RAD51B: variants seen among roughly 807,000 people sequenced by gnomAD.
RAD51B encodes RAD51 paralog B.
A neutral mutation model predicts 42.2 loss-of-function variants in RAD51B; 38 were observed. The ratio of observed to expected loss-of-function variants is 0.90; its 90% CI spans 0.70 to 1.18. RAD51B has a LOEUF of 1.18. Among genes scored for constraint, RAD51B ranks in the 50% most tolerant of loss-of-function variants. RAD51B has a pLI of 0.00. For missense variants in RAD51B, 373 were observed against 400.7 expected (o/e 0.93, Z 0.59); for synonymous variants, 154 against 145.2 (o/e 1.06, Z -0.43).
chr14:68,225,431 G>A (rs909724554), intron 7 of RAD51B, among the ~76,000 whole-genome samples: 2 of 152,204 alleles, frequency 1.3e-5, no homozygotes, highest in Non-Finnish European at 2.9e-5. Flanking sequence ...CTATGAAGAA[G>A]CTACCAATAA....
intron 11 of RAD51B, among the ~76,000 whole-genome samples, chr14:68,651,601 T>C (rs1213644139): frequency 6.6e-6 from 1 of 152,196 alleles, no homozygotes; most frequent in Admixed American, 6.5e-5. Flanking sequence ...TTAAAGGACA[T>C]CAGGGAAGCT....
intron 7 of RAD51B, among the ~76,000 whole-genome samples, chr14:68,225,870 C>T (rs1325692397): frequency 6.6e-6 from 1 of 152,168 alleles, no homozygotes; most frequent in East Asian, 1.9e-4. Context: ...AAGGAAGTAT[C>T]TACTAACAAG....
chr14:67,940,003 A>G (rs12878700), intron 7 of RAD51B, among the ~76,000 whole-genome samples: 3 of 126,412 alleles, frequency 2.4e-5, no homozygotes, highest in Non-Finnish European at 4.9e-5. Context: ...TATATATAAA[A>G]CTGTAACATT....
intron 7 of RAD51B, among the ~76,000 whole-genome samples, chr14:68,063,572 C>T (rs2076603152): frequency 1.3e-5 from 2 of 152,138 alleles, no homozygotes; most frequent in Non-Finnish European, 2.9e-5. Context: ...CCTGTCTCTA[C>T]TAAAAATACA....
At position 68,205,745 on chromosome 14, in the gene RAD51B, C is replaced by T. The variant is rs563793598; in HGVS notation, c.757-86139C>T. Among the ~76,000 whole-genome samples the T allele has an allele frequency of 2.8e-4, 43 of 151,730 alleles. 2 individuals carry two copies. The South Asian group carries it at 8.1e-3, about 29-fold the overall frequency. Reference sequence around the variant, plus strand: ...TACCACATTTGCTTTATAATTTACTCGATCTACATATGCATATATATGTAT... The same window carrying T: ...TACCACATTTGCTTTATAATTTACTTGATCTACATATGCATATATATGTAT... On this transcript the variant is annotated intron_variant, in intron 7 of 10. Coordinates refer to ENST00000471583, the MANE Select transcript of RAD51B (RefSeq NM_133510.4).
chr14:68,178,197 A>AG (rs574364971), intron 7 of RAD51B, among the ~76,000 whole-genome samples: 163 of 152,254 alleles, frequency 1.1e-3, no homozygotes, highest in African/African-American at 3.8e-3. Flanking sequence ...TTAAAAAAAA[A>AG]TTGTTTAGCC....
intron 7 of RAD51B, among the ~76,000 whole-genome samples, chr14:68,156,947 T>C (rs112456297): frequency 0.025 from 3,839 of 152,188 alleles, 131 homozygotes; most frequent in African/African-American, 0.074. Flanking sequence ...CCTATAATCC[T>C]AGCATTTTGG....
intron 7 of RAD51B, among the ~76,000 whole-genome samples, chr14:68,144,877 A>G (rs1358429841): frequency 6.6e-6 from 1 of 152,168 alleles, no homozygotes; most frequent in East Asian, 1.9e-4. Flanking sequence ...TATACTATAT[A>G]AAGTCTTTTT....
At chr14:68,427,852 T>A (rs1038755816) in intron 9 of RAD51B, among the ~76,000 whole-genome samples, 5 of 152,204 alleles carry the variant, frequency 3.3e-5, no homozygotes, top group Admixed American at 6.5e-5. Flanking sequence ...GGTTTGAACA[T>A]GTCCCAAAAA....
At chr14:68,503,711 G>T (rs1485864712) in intron 10 of RAD51B, among the ~76,000 whole-genome samples, 1 of 152,196 alleles carries the variant, frequency 6.6e-6, no homozygotes, top group Non-Finnish European at 1.5e-5. Context: ...CTAAGAAGAT[G>T]TTAGTAGATG....
At chr14:68,233,298 A>G (rs2080182353) in intron 7 of RAD51B, among the ~76,000 whole-genome samples, 1 of 152,212 alleles carries the variant, frequency 6.6e-6, no homozygotes, top group Non-Finnish European at 1.5e-5. Flanking sequence ...TTTCCCTAAG[A>G]GGCCACATTC....
chr14:68,293,755 A>G (rs2081559731), intron 8 of RAD51B, among the ~76,000 whole-genome samples: 1 of 152,162 alleles, frequency 6.6e-6, no homozygotes, highest in Non-Finnish European at 1.5e-5. Flanking sequence ...TATCTGCTCA[A>G]CTGTATAAAG....
At chr14:67,863,011 G>C (rs2042212192) in intron 4 of RAD51B, among the ~76,000 whole-genome samples, 1 of 152,016 alleles carries the variant, frequency 6.6e-6, no homozygotes, top group South Asian at 2.1e-4. Flanking sequence ...GGGGTATGTG[G>C]TCAAATAAGT....
chr14:68,356,158 C>T (rs2082893115), intron 8 of RAD51B, among the ~76,000 whole-genome samples: 1 of 152,140 alleles, frequency 6.6e-6, no homozygotes, highest in Non-Finnish European at 1.5e-5. Context: ...GTTGGCCGGG[C>T]GCGGTGGCTC....
At chr14:67,839,308 T>G (rs959550547) in intron 4 of RAD51B, among the ~76,000 whole-genome samples, 1 of 152,160 alleles carries the variant, frequency 6.6e-6, no homozygotes, top group Non-Finnish European at 1.5e-5. Flanking sequence ...TTGTCTGATC[T>G]TGATATTTTT....
At chr14:68,556,959 G>A (rs572369577) in intron 10 of RAD51B, among the ~76,000 whole-genome samples, 14 of 152,056 alleles carry the variant, frequency 9.2e-5, no homozygotes, top group Admixed American at 2.6e-4. Flanking sequence ...AGGAGTCCCC[G>A]GCATTGGGGC....
chr14:67,910,528 A>G (rs184795240), intron 7 of RAD51B, among the ~76,000 whole-genome samples: 14 of 150,436 alleles, frequency 9.3e-5, no homozygotes, highest in Admixed American at 8.7e-4. Flanking sequence ...AATTACTGCT[A>G]TTCCACTTTG....
intron 8 of RAD51B, among the ~76,000 whole-genome samples, chr14:68,402,833 T>G (rs1288107618): frequency 6.6e-6 from 1 of 152,250 alleles, no homozygotes; most frequent in South Asian, 2.1e-4. Flanking sequence ...TGAGGTCATT[T>G]ACCCCTTCTT....
intron 1 of RAD51B, among the ~76,000 whole-genome samples, chr14:67,820,939 A>G (rs1418171072): frequency 3.3e-5 from 5 of 152,168 alleles, no homozygotes; most frequent in Non-Finnish European, 7.3e-5. Flanking sequence ...GAACGTTGCA[A>G]TGTGATGTAT....
Sources: allele counts gnomAD v4.1 joint callset (sites outside exome capture counted in the v4.1 genomes callset), GRCh38; gene constraint gnomAD v4.1.1; transcripts MANE v1.5; gene names NCBI Gene and HGNC (gene_info 2026-07-23, HGNC 2026-07-21).